The following RABGAP1L variants were observed in gnomAD, a reference collection of about 807,000 sequenced individuals.
RABGAP1L encodes the protein rab GTPase-activating protein 1-like.
Under a neutral mutation model 137.7 loss-of-function variants are expected in RABGAP1L, and 63 were observed. The ratio of observed to expected loss-of-function variants is 0.46; its 90% CI spans 0.37 to 0.56. The LOEUF (loss-of-function observed/expected upper bound fraction) is 0.56. Ranked by LOEUF, RABGAP1L falls within the 20% of genes least tolerant of loss-of-function variation. RABGAP1L has a pLI of 0.00. For synonymous variants in RABGAP1L, 431 were observed against 433.7 expected (o/e 0.99, Z 0.08); for missense variants, 1,095 against 1,244.0 (o/e 0.88, Z 1.80).
chr1:174,657,256 GA>G (rs1676033844), intron 14 of RABGAP1L, among the ~76,000 whole-genome samples: 1 of 152,124 alleles, frequency 6.6e-6, no homozygotes. Context: ...TTTGTGTTGA[GA>G]ATATTCAATA....
chr1:174,191,308 TTGTC>T (rs551230349), intron 1 of RABGAP1L, among the ~76,000 whole-genome samples: 13 of 152,268 alleles, frequency 8.5e-5, no homozygotes, highest in African/African-American at 2.9e-4. Context: ...CATTTCCTGT[TTGTC>T]TGTTGATTTT....
intron 13 of RABGAP1L, among the ~76,000 whole-genome samples, chr1:174,426,097 C>G (rs1177233925): frequency 4.6e-5 from 7 of 152,020 alleles, no homozygotes; most frequent in African/African-American, 1.7e-4. Context: ...CTATTTAATA[C>G]CTTTACACTT....
intron 13 of RABGAP1L, among the ~76,000 whole-genome samples, chr1:174,602,084 C>A (rs932413195): frequency 9.2e-5 from 14 of 152,322 alleles, no homozygotes; most frequent in African/African-American, 3.4e-4. Context: ...ACTGTTCCAA[C>A]CTCTACCTGT....
chr1:174,716,370 A>G (rs948033228), intron 17 of RABGAP1L, among the ~76,000 whole-genome samples: 1 of 152,132 alleles, frequency 6.6e-6, no homozygotes, highest in Non-Finnish European at 1.5e-5. Context: ...CAGCCTTGAA[A>G]TCCTGGGCTC....
At chr1:174,622,419 G>A (rs142376194) in intron 13 of RABGAP1L, among the ~76,000 whole-genome samples, 2 of 152,094 alleles carry the variant, frequency 1.3e-5, no homozygotes, top group Admixed American at 1.3e-4. Flanking sequence ...GTTTATTGCG[G>A]CACTATTCAC....
At chr1:174,232,485 TAAAA>T (rs1304294197) in intron 4 of RABGAP1L, among the ~76,000 whole-genome samples, 2 of 129,924 alleles carry the variant, frequency 1.5e-5, no homozygotes, top group African/African-American at 5.8e-5. Flanking sequence ...CCATCTCAAT[TAAAA>T]AAAAAAAAAA....
chr1:174,280,046 CT>C (rs1675359189), intron 10 of RABGAP1L, among the ~76,000 whole-genome samples: 1 of 81,144 alleles, frequency 1.2e-5, no homozygotes, highest in African/African-American at 5.0e-5. Context: ...GTCTGTCTGC[CT>C]GGAGAGAGAG....
chr1:174,197,795 C>T (rs573919625), intron 1 of RABGAP1L, among the ~76,000 whole-genome samples: 35 of 151,348 alleles, frequency 2.3e-4, no homozygotes, highest in East Asian at 3.9e-4. Context: ...AGCGAAACTC[C>T]GTCTAAAAAA....
intron 13 of RABGAP1L, among the ~76,000 whole-genome samples, chr1:174,505,064 T>G (rs1208767275): frequency 6.6e-6 from 1 of 152,122 alleles, no homozygotes; most frequent in Non-Finnish European, 1.5e-5. Context: ...GAATAGACAC[T>G]TCTCAAAAGA....
chr1:174,203,086 A>G (rs1309885607), intron 1 of RABGAP1L, among the ~76,000 whole-genome samples: 1 of 152,070 alleles, frequency 6.6e-6, no homozygotes, highest in African/African-American at 2.4e-5. Context: ...GCCTGTTCCT[A>G]TGTCCAGGGT....
intron 19 of RABGAP1L, among the ~76,000 whole-genome samples, chr1:174,883,310 A>C (rs1004695181): frequency 6.6e-6 from 1 of 152,226 alleles, no homozygotes; most frequent in South Asian, 2.1e-4. Flanking sequence ...GCACAGTGAA[A>C]GCTGTAACTA....
At chr1:174,671,935 T>A (rs1446529400) in intron 14 of RABGAP1L, among the ~76,000 whole-genome samples, 1 of 152,128 alleles carries the variant, frequency 6.6e-6, no homozygotes, top group African/African-American at 2.4e-5. Context: ...TATTTGGTAG[T>A]TTTTTAACTA....
intron 13 of RABGAP1L, among the ~76,000 whole-genome samples, chr1:174,423,551 T>TA (rs1410297074): frequency 6.6e-6 from 1 of 152,136 alleles, no homozygotes; most frequent in Non-Finnish European, 1.5e-5. Flanking sequence ...AGTCAACTGA[T>TA]AAAAAAATTT....
chr1:174,673,798 G>C (rs1314200237), intron 14 of RABGAP1L, among the ~76,000 whole-genome samples: 1 of 152,098 alleles, frequency 6.6e-6, no homozygotes, highest in Non-Finnish European at 1.5e-5. Flanking sequence ...CTAGAGTTGA[G>C]CATGCTGAAG....
At chr1:174,246,255 A>C (rs1672250591) in intron 5 of RABGAP1L, 1 of 152,198 alleles carries the variant, frequency 6.6e-6, no homozygotes, top group South Asian at 2.1e-4. Context: ...TCAAACAGAT[A>C]TACAGTTTTG....
chr1:174,543,277 T>G (rs902052286), intron 13 of RABGAP1L, among the ~76,000 whole-genome samples: 1 of 152,144 alleles, frequency 6.6e-6, no homozygotes, highest in Non-Finnish European at 1.5e-5. Flanking sequence ...TCTGGATGCT[T>G]CTGTATTGGG....
intron 13 of RABGAP1L, among the ~76,000 whole-genome samples, chr1:174,546,918 T>C (rs1666055979): frequency 6.7e-6 from 1 of 148,498 alleles, no homozygotes; most frequent in Admixed American, 6.8e-5. Flanking sequence ...TAATCCCAGC[T>C]ACTTGGGAGG....
intron 5 of RABGAP1L, chr1:174,244,493 G>A (rs1247558959): frequency 6.6e-6 from 1 of 152,210 alleles, no homozygotes; most frequent in African/African-American, 2.4e-5. Flanking sequence ...ACAAGGATTG[G>A]GAGGTCCCAC....
At chr1:174,266,417 A>G (rs891433613) in intron 7 of RABGAP1L, among the ~76,000 whole-genome samples, 4 of 152,160 alleles carry the variant, frequency 2.6e-5, no homozygotes, top group African/African-American at 9.7e-5. Flanking sequence ...CTGGAAGGCA[A>G]AATCTTGGCT....
Sources: allele counts gnomAD v4.1 joint callset (sites outside exome capture counted in the v4.1 genomes callset), GRCh38; gene constraint gnomAD v4.1.1; transcripts MANE v1.5; gene names NCBI Gene and HGNC (gene_info 2026-07-23, HGNC 2026-07-21).